Variants in SH3RF3 observed in about 807,000 individuals in gnomAD.
The protein encoded by SH3RF3 is SH3 domain containing ring finger 3.
SH3RF3 carries 29 observed loss-of-function variants against 66.3 expected under a neutral mutation model. The observed-to-expected ratio is 0.44, with a 90% CI of 0.33 to 0.60. The LOEUF is 0.60. Ranked by LOEUF, SH3RF3 falls within the 20% of genes least tolerant of loss-of-function variation. The pLI, the probability that SH3RF3 is intolerant of heterozygous loss-of-function variation, is 0.04. For missense variants in SH3RF3, 1,194 were observed against 1,190.9 expected (o/e 1.00, Z -0.04); for synonymous variants, 583 against 532.0 (o/e 1.10, Z -1.32).
chr2:109,146,840 C>A (rs4473416), intron 1 of SH3RF3, among the ~76,000 whole-genome samples: 27,084 of 44,530 alleles, frequency 0.61, 6,363 homozygotes, highest in Middle Eastern at 0.72. Context: ...CTAACCCTCC[C>A]CTCCCCTCCC....
intron 3 of SH3RF3, among the ~76,000 whole-genome samples, chr2:109,376,264 G>T (rs1683381323): frequency 6.6e-6 from 1 of 152,260 alleles, no homozygotes; most frequent in South Asian, 2.1e-4. Context: ...TTTGCAGTTG[G>T]ATGATGTCAA....
At chr2:109,432,842 T>C (rs1479245676) in intron 6 of SH3RF3, among the ~76,000 whole-genome samples, 171 bp downstream of exon 6, 2 of 152,282 alleles carry the variant, frequency 1.3e-5, no homozygotes, top group South Asian at 4.1e-4. Context: ...TTTCACCTTC[T>C]GAGCTGGGTT....
chr2:109,291,313 G>T (rs1371189165), intron 1 of SH3RF3, among the ~76,000 whole-genome samples: 1 of 150,932 alleles, frequency 6.6e-6, no homozygotes, highest in Non-Finnish European at 1.5e-5. Context: ...ATGCTTGAAG[G>T]AGGTTGTTTG....
In SH3RF3 at chr2:109,504,104, C is replaced by T. The variant is rs145800015; in HGVS notation, c.*2433C>T. ...AAACTCGTTCAGGCCCTGCAGCCTT[C>T]ATGATGATGTAGCTCGCAGAGAAGA... On this transcript the variant is annotated 3_prime_UTR_variant, in exon 10 of 10. Transcript: ENST00000309415. The T allele has an allele frequency of 1.8e-4, 27 of 152,368 alleles. No homozygotes were observed. Among genetic ancestry groups the T allele is most frequent in the African/African-American group, 6.3e-4 (26 of 41,580 alleles). The allele number at this position is 152,368 out of a possible 1,614,324, so 9.4% of individuals were successfully genotyped here. A position where few individuals can be genotyped will look rare whatever the true frequency, so the allele number is the denominator to read the frequency against.
chr2:109,175,794 G>A (rs1355208939), intron 1 of SH3RF3, among the ~76,000 whole-genome samples: 1 of 152,198 alleles, frequency 6.6e-6, no homozygotes, highest in Admixed American at 6.5e-5. Context: ...AGAGTAAGGA[G>A]TAATTCATCT....
In SH3RF3 at chr2:109,249,599, T is replaced by TTTTC. The variant is rs375038206; in HGVS notation, c.574-98061_574-98058dup. On this transcript the variant is annotated intron_variant, in intron 1 of 9. Coordinates refer to ENST00000309415, the MANE Select transcript of SH3RF3 (RefSeq NM_001099289.3). The stretch of plus-strand genomic sequence containing the variant: ...TCCTTCCTTCCTTTCCTTTCTTTCT[T>TTTTC]TTTCTTTCTTTCTTTCTCTTTCTTT... Among the ~76,000 whole-genome samples, 8 of 144,480 alleles carry TTTTC rather than the reference T, an allele frequency of 5.5e-5. No homozygotes were observed. The South Asian group carries it at 8.7e-4, about 16-fold the overall frequency. The allele number at this position is 144,480 out of a possible 152,430, so 94.8% of individuals were successfully genotyped here. A position where few individuals can be genotyped will look rare whatever the true frequency, so the allele number is the denominator to read the frequency against.
intron 1 of SH3RF3, among the ~76,000 whole-genome samples, chr2:109,248,181 G>T (rs1297750812): frequency 1.3e-5 from 2 of 152,076 alleles, no homozygotes; most frequent in East Asian, 3.9e-4. Flanking sequence ...ATATATTCTG[G>T]ATATTAATTC....
At chr2:109,389,958 G>C (rs1476066420) in intron 3 of SH3RF3, among the ~76,000 whole-genome samples, 2 of 152,112 alleles carry the variant, frequency 1.3e-5, no homozygotes, top group African/African-American at 2.4e-5. Context: ...TGCTCCCCTT[G>C]TTCCTCCTCA....
At chr2:109,163,390 C>CTTTTTTTTTTTTTTTT (rs70956302) in intron 1 of SH3RF3, among the ~76,000 whole-genome samples, 1 of 70,268 alleles carries the variant, frequency 1.4e-5, no homozygotes, top group Non-Finnish European at 2.4e-5. Flanking sequence ...AGCAAATATT[C>CTTTTTTTTTTTTTTTT]TTTTTTTTTT....
chr2:109,436,637 T>C (rs1219688852), intron 6 of SH3RF3, among the ~76,000 whole-genome samples: 1 of 152,258 alleles, frequency 6.6e-6, no homozygotes, highest in Non-Finnish European at 1.5e-5. Context: ...AAAGATTTCG[T>C]TCAGCTCATT....
At chr2:109,328,135 A>G (rs1395076030) in intron 1 of SH3RF3, among the ~76,000 whole-genome samples, 1 of 152,240 alleles carries the variant, frequency 6.6e-6, no homozygotes, top group Non-Finnish European at 1.5e-5. Context: ...AACAAAAAAC[A>G]GCCAAACCAT....
intron 1 of SH3RF3, among the ~76,000 whole-genome samples, chr2:109,233,538 C>G (rs1002807985): frequency 1.3e-5 from 2 of 152,162 alleles, no homozygotes; most frequent in African/African-American, 4.8e-5. Flanking sequence ...TTGGAAAAAG[C>G]AACATTTGAG....
chr2:109,418,014 C>G (rs1453807144), intron 4 of SH3RF3, among the ~76,000 whole-genome samples: 2 of 152,130 alleles, frequency 1.3e-5, no homozygotes, highest in African/African-American at 2.4e-5. Flanking sequence ...TCCCTCCCAT[C>G]TGTGTGGTCT....
chr2:109,287,472 G>T (rs1320876097), intron 1 of SH3RF3, among the ~76,000 whole-genome samples: 1 of 152,190 alleles, frequency 6.6e-6, no homozygotes, highest in Non-Finnish European at 1.5e-5. Context: ...ATACCTAAGA[G>T]AGATACCTCC....
Position 109,169,722 on chromosome 2 carries a change from A to G in SH3RF3, c.573+39609A>G, listed in dbSNP as rs148080248. 2.6e-3 allele frequency among the ~76,000 whole-genome samples: 388 copies of G among 150,596 alleles called. 2 individuals carry two copies. The highest frequency in any genetic ancestry group is 6.8e-3 in the Middle Eastern group (2 of 294). On this transcript the variant is annotated intron_variant, in intron 1 of 9. Transcript: ENST00000309415. ...TCTCTCTCTATATATATCTATATAT[A>G]TAACCAAAATACATATGTATAAAAC... is the stretch of plus-strand genomic sequence containing the variant.
rs201751650 is a variant in SH3RF3, at chr2:109,170,249, C to A, written c.573+40136C>A. 5.1e-4 allele frequency among the ~76,000 whole-genome samples: 3 copies of A among 5,886 alleles called. 1 individual carries two copies. The allele number at this position is 5,886 out of a possible 152,430, so 3.9% of individuals were successfully genotyped here. On this transcript the variant is annotated intron_variant, in intron 1 of 9. Coordinates refer to ENST00000309415, the MANE Select transcript of SH3RF3 (RefSeq NM_001099289.3). ...CTTCTCTTCTCTTCTTTTCTTTTCT[C>A]TTCTCTTCTCTTCTCTTCTCTTCTC...
intron 1 of SH3RF3, among the ~76,000 whole-genome samples, chr2:109,301,439 C>T (rs72939527): frequency 0.015 from 2,345 of 152,144 alleles, 70 homozygotes; most frequent in African/African-American, 0.054. Context: ...TCCTCTCCTC[C>T]GGGGATTGCT....
intron 1 of SH3RF3, among the ~76,000 whole-genome samples, chr2:109,147,552 C>T (rs572608180): frequency 2.0e-5 from 3 of 152,244 alleles, no homozygotes; most frequent in East Asian, 1.9e-4. Context: ...AACATAGTAC[C>T]GTAAATGGTC....
chr2:109,266,604 G>A (rs1680502738), intron 1 of SH3RF3, among the ~76,000 whole-genome samples: 1 of 152,062 alleles, frequency 6.6e-6, no homozygotes, highest in South Asian at 2.1e-4. Context: ...AGACCTTGGA[G>A]TGCAGAGCAG....
Sources: allele counts gnomAD v4.1 joint callset (sites outside exome capture counted in the v4.1 genomes callset), GRCh38; gene constraint gnomAD v4.1.1; transcripts MANE v1.5; gene names NCBI Gene and HGNC (gene_info 2026-07-23, HGNC 2026-07-21).